Variants in RGS6 observed in about 807,000 individuals in gnomAD.
RGS6 encodes regulator of G-protein signaling 6.
In RGS6, 30 loss-of-function variants were observed where a neutral mutation model predicts 78.5. The observed-to-expected ratio is 0.38, with a 90% CI of 0.29 to 0.52. RGS6 has a LOEUF of 0.52. Ranked by LOEUF, RGS6 falls within the 20% of genes least tolerant of loss-of-function variation. The probability of loss-of-function intolerance (pLI) is 0.85; values close to 1 mark genes in which losing one functional copy is unlikely to be tolerated. For synonymous variants in RGS6, 206 were observed against 206.0 expected, an observed-to-expected ratio of 1.00 and a Z score of 0.00; for missense variants, 495 against 609.7, an observed-to-expected ratio of 0.81 and a Z score of 1.98.
chr14:72,438,605 C>G (rs933802377), intron 3 of RGS6, among the ~76,000 whole-genome samples: 2 of 152,182 alleles, frequency 1.3e-5, no homozygotes, highest in African/African-American at 4.8e-5. Flanking sequence ...TGGGCAAGCC[C>G]CATCCATCAG....
chr14:72,191,843 T>C (rs2097330178), intron 2 of RGS6, among the ~76,000 whole-genome samples: 1 of 152,206 alleles, frequency 6.6e-6, no homozygotes, highest in Non-Finnish European at 1.5e-5. Context: ...TTGTCCCCTT[T>C]CTTCACATCT....
At chr14:72,209,736 A>G (rs977968612) in intron 2 of RGS6, among the ~76,000 whole-genome samples, 3 of 152,184 alleles carry the variant, frequency 2.0e-5, no homozygotes, top group African/African-American at 7.2e-5. Flanking sequence ...CCTTTCGTTC[A>G]GGGAGCATGC....
intron 3 of RGS6, among the ~76,000 whole-genome samples, chr14:72,374,947 A>G (rs1479274312): frequency 1.4e-4 from 21 of 152,264 alleles, no homozygotes; most frequent in Admixed American, 1.3e-3. Flanking sequence ...ATCTCTGCAA[A>G]TGAAAAATAT....
chr14:72,540,147 C>A, intron 17 of RGS6, 53 bp downstream of exon 17: 1 of 1,507,952 alleles, frequency 6.6e-7, no homozygotes, highest in Non-Finnish European at 8.8e-7. Flanking sequence ...TTGGTTTTTT[C>A]TTTCTTCTTC....
intron 15 of RGS6, among the ~76,000 whole-genome samples, chr14:72,525,434 G>A (rs554085879): frequency 6.6e-6 from 1 of 152,290 alleles, no homozygotes; most frequent in East Asian, 1.9e-4. Context: ...AAGGATCAAA[G>A]AGCATGCTCA....
chr14:72,413,525 G>A (rs540936732), intron 3 of RGS6, among the ~76,000 whole-genome samples: 2 of 152,220 alleles, frequency 1.3e-5, no homozygotes, highest in East Asian at 3.9e-4. Context: ...TATCCAATTT[G>A]CCAGTCTGTG....
chr14:71,977,732 C>A (rs1019496196), intron 2 of RGS6, among the ~76,000 whole-genome samples: 4 of 151,316 alleles, frequency 2.6e-5, no homozygotes, highest in Middle Eastern at 3.4e-3. Flanking sequence ...CTTAGGATTG[C>A]CTTGGCGATG....
At chr14:72,069,911 C>A (rs976306740) in intron 2 of RGS6, among the ~76,000 whole-genome samples, 2 of 152,184 alleles carry the variant, frequency 1.3e-5, no homozygotes, top group African/African-American at 4.8e-5. Flanking sequence ...ACATTAGTTG[C>A]TTACTACGTA....
At chr14:72,258,449 A>C (rs1260677431) in intron 2 of RGS6, among the ~76,000 whole-genome samples, 1 of 152,150 alleles carries the variant, frequency 6.6e-6, no homozygotes, top group Non-Finnish European at 1.5e-5. Context: ...AAGTGATCAC[A>C]CTGTGTTTTA....
chr14:72,381,521 G>C (rs184422481), intron 3 of RGS6, among the ~76,000 whole-genome samples: 1 of 152,002 alleles, frequency 6.6e-6, no homozygotes. Flanking sequence ...AAAAATGGAC[G>C]CTACAAGGCA....
chr14:72,540,742 C>T, intron 17 of RGS6: 2 of 1,280,692 alleles, frequency 1.6e-6, no homozygotes, highest in Non-Finnish European at 1.0e-6. Context: ...CCTGCGGTGT[C>T]CTGGGTACTC....
At chr14:72,581,378 T>C in the RGS6 span, among the ~76,000 whole-genome samples, 2 of 152,088 alleles carry the variant, frequency 1.3e-5, no homozygotes, top group Non-Finnish European at 2.9e-5. Flanking sequence ...GCCAACTACA[T>C]TCCTTCTTCC....
At chr14:72,250,748 G>T (rs549221249) in intron 2 of RGS6, among the ~76,000 whole-genome samples, 8 of 152,264 alleles carry the variant, frequency 5.3e-5, no homozygotes, top group Admixed American at 4.6e-4. Context: ...AGAATGTATG[G>T]TATGGTCAAA....
At chr14:72,576,969 C>T in the RGS6 span, among the ~76,000 whole-genome samples, 2 of 152,324 alleles carry the variant, frequency 1.3e-5, no homozygotes, top group East Asian at 1.9e-4. Context: ...GCTCAGAGAA[C>T]TCCTTCCTTT....
At chr14:72,237,110 A>G (rs964882145) in intron 2 of RGS6, among the ~76,000 whole-genome samples, 2 of 152,180 alleles carry the variant, frequency 1.3e-5, no homozygotes, top group African/African-American at 4.8e-5. Context: ...AATACATACT[A>G]CTTTGCATGA....
the RGS6 span, among the ~76,000 whole-genome samples, chr14:72,605,755 C>A: frequency 6.6e-6 from 1 of 152,154 alleles, no homozygotes; most frequent in African/African-American, 2.4e-5. Flanking sequence ...GGAGATCAGA[C>A]CCCCTTGGCA....
chr14:72,377,104 AGACT>A (rs1339462580), intron 3 of RGS6, among the ~76,000 whole-genome samples: 1 of 152,208 alleles, frequency 6.6e-6, no homozygotes, highest in African/African-American at 2.4e-5. Flanking sequence ...ATTTAGATGT[AGACT>A]GACTGAACAG....
intron 3 of RGS6, among the ~76,000 whole-genome samples, chr14:72,384,315 G>A (rs2087169606): frequency 6.6e-6 from 1 of 152,156 alleles, no homozygotes; most frequent in African/African-American, 2.4e-5. Context: ...AGTGACAAGT[G>A]CAAGACACAC....
the RGS6 span, among the ~76,000 whole-genome samples, chr14:72,599,285 C>T: frequency 5.3e-5 from 8 of 152,112 alleles, no homozygotes; most frequent in Admixed American, 4.6e-4. Flanking sequence ...GCATGGTGCC[C>T]CTGAGGCTCA....
Sources: allele counts gnomAD v4.1 joint callset (sites outside exome capture counted in the v4.1 genomes callset), GRCh38; gene constraint gnomAD v4.1.1; transcripts MANE v1.5; gene names NCBI Gene and HGNC (gene_info 2026-07-23, HGNC 2026-07-21).